DCT: variants seen among roughly 807,000 people sequenced by gnomAD.
DCT encodes dopachrome tautomerase, also known as L-dopachrome tautomerase.
A neutral mutation model predicts 53.0 loss-of-function variants in DCT; 47 were observed. That is an observed-to-expected ratio of 0.89 (90% confidence interval 0.70 to 1.13). DCT has a LOEUF of 1.13. Ranked by LOEUF, DCT falls within the 50% of genes most tolerant of loss-of-function variation. The probability of loss-of-function intolerance (pLI) is 0.00; values close to 1 mark genes in which losing one functional copy is unlikely to be tolerated. For synonymous variants in DCT, 244 were observed against 237.0 expected (o/e 1.03, Z -0.27); for missense variants, 669 against 637.4 (o/e 1.05, Z -0.53).
the DCT span, among the ~76,000 whole-genome samples, chr13:94,525,487 C>T: frequency 6.6e-6 from 1 of 152,142 alleles, no homozygotes; most frequent in African/African-American, 2.4e-5. Context: ...GGCTCCATCC[C>T]TTGGTGTAGG....
At position 94,468,888 on chromosome 13, in the gene DCT, T is replaced by C; in HGVS notation, c.453A>G (p.Arg151=). The change falls in exon 2 of 8, where the codon AGA becomes AGG. Residue 151 remains arginine, a synonymous_variant. Transcript: ENST00000377028. ...FLGALDLAKK[R]VHPDYVITTQ... ...TGGTGATCACGTAGTCGGGGTGTAC[T>C]CTCTTCTTCGCGAGATCTAAGGCGC... The C allele has an allele frequency of 2.5e-6, 4 of 1,614,146 alleles. No homozygotes were observed. The highest frequency in any genetic ancestry group is 2.5e-6 in the Non-Finnish European group (3 of 1,180,028).
chr13:94,452,858 T>C (rs1041998642), intron 6 of DCT, among the ~76,000 whole-genome samples: 1 of 152,112 alleles, frequency 6.6e-6, no homozygotes, highest in Non-Finnish European at 1.5e-5. Context: ...GTCTATAATA[T>C]GCTACCATGT....
the DCT span, among the ~76,000 whole-genome samples, chr13:94,488,139 T>C: frequency 6.6e-6 from 1 of 152,180 alleles, no homozygotes; most frequent in Non-Finnish European, 1.5e-5. Flanking sequence ...TTCATTCTGG[T>C]ACATGAGTAT....
the DCT span, among the ~76,000 whole-genome samples, chr13:94,522,014 T>A: frequency 3.3e-5 from 5 of 152,356 alleles, no homozygotes; most frequent in Admixed American, 6.5e-5. Context: ...AGGATGGGCT[T>A]CTTTCACTTA....
chr13:94,440,699 T>TTA (rs1555330304), intron 7 of DCT, among the ~76,000 whole-genome samples: 2 of 148,486 alleles, frequency 1.3e-5, no homozygotes, highest in Non-Finnish European at 3.0e-5. Flanking sequence ...TTTTTTTTTT[T>TTA]AGATAAAGTC....
the DCT span, among the ~76,000 whole-genome samples, chr13:94,490,504 CAAAA>C: frequency 5.6e-4 from 20 of 35,484 alleles, no homozygotes; most frequent in Admixed American, 5.0e-3. Flanking sequence ...GACTCGGTCT[CAAAA>C]AAAAAAAAAA....
chr13:94,488,846 A>C, the DCT span, among the ~76,000 whole-genome samples: 1 of 140,374 alleles, frequency 7.1e-6, no homozygotes, highest in African/African-American at 2.6e-5. Flanking sequence ...ATATACACAC[A>C]CATATGTACA....
the DCT span, among the ~76,000 whole-genome samples, chr13:94,496,487 C>A: frequency 6.6e-6 from 1 of 152,176 alleles, no homozygotes; most frequent in Non-Finnish European, 1.5e-5. Flanking sequence ...AGCCACCGCA[C>A]CCGGCCGGAT....
chr13:94,450,306 C>T (rs1295895368), intron 6 of DCT, among the ~76,000 whole-genome samples: 2 of 152,050 alleles, frequency 1.3e-5, no homozygotes, highest in Non-Finnish European at 2.9e-5. Flanking sequence ...TAGGACACAA[C>T]CACGGAAGAG....
the DCT span, among the ~76,000 whole-genome samples, chr13:94,493,504 G>A: frequency 6.6e-6 from 1 of 152,130 alleles, no homozygotes; most frequent in Non-Finnish European, 1.5e-5. Flanking sequence ...TTTCACTGGT[G>A]AATTCTTAGG....
the DCT span, among the ~76,000 whole-genome samples, chr13:94,522,716 G>A: frequency 1.3e-5 from 2 of 152,180 alleles, no homozygotes; most frequent in African/African-American, 2.4e-5. Context: ...TTGAACATGA[G>A]CAATTTCATT....
intron 6 of DCT, among the ~76,000 whole-genome samples, chr13:94,453,983 T>C (rs148180059): frequency 1.3e-5 from 2 of 152,296 alleles, no homozygotes; most frequent in East Asian, 1.9e-4. Context: ...ATACCTGTAA[T>C]TGTGAGCTTT....
In DCT at chr13:94,443,640, G is replaced by A. The variant is rs1387477302; in HGVS notation, c.1180-3C>T. 1 of 1,610,422 alleles carries A rather than the reference G, an allele frequency of 6.2e-7. No individual in the cohort carries two copies. The highest frequency in any genetic ancestry group is 1.3e-5 in the African/African-American group (1 of 74,856). On this transcript the variant is annotated splice_region_variant and splice_polypyrimidine_tract_variant and intron_variant, in intron 6 of 7. Coordinates refer to ENST00000377028, the MANE Select transcript of DCT (RefSeq NM_001922.5). Reference sequence around the variant, plus strand: ...GCATCAGTAAAGGAATGAAGAACCTGCAAAACAGTTGGACACAGCATTTAA... The same window carrying A: ...GCATCAGTAAAGGAATGAAGAACCTACAAAACAGTTGGACACAGCATTTAA...
chr13:94,451,920 T>G (rs571860015), intron 6 of DCT, among the ~76,000 whole-genome samples: 11 of 110,782 alleles, frequency 9.9e-5, no homozygotes, highest in African/African-American at 2.9e-4. Context: ...ATATTTAGGG[T>G]TTTTTTTTTC....
At chr13:94,538,740 G>A in the DCT span, among the ~76,000 whole-genome samples, 1 of 152,192 alleles carries the variant, frequency 6.6e-6, no homozygotes, top group Non-Finnish European at 1.5e-5. Flanking sequence ...GTTGCATTCA[G>A]TCTCTCTTGT....
At chr13:94,547,984 AAT>A in the DCT span, among the ~76,000 whole-genome samples, 2,681 of 65,746 alleles carry the variant, frequency 0.041, 163 homozygotes, top group African/African-American at 0.052. Context: ...AAAAAAAAAA[AAT>A]ATATATATAT....
Position 94,438,307 on chromosome 13 carries a change from G to A in DCT, c.*1591C>T, listed in dbSNP as rs1476958030. 2 of 178,130 alleles carry A rather than the reference G, an allele frequency of 1.1e-5. No individual in the cohort carries two copies. The highest frequency in any genetic ancestry group is 4.7e-5 in the African/African-American group (2 of 42,160). 11.0% of individuals were successfully genotyped at this position (178,130 alleles called of 1,614,324 possible). A position where few individuals can be genotyped will look rare whatever the true frequency, so the allele number is the denominator to read the frequency against. ...GTATCCATGTGGCTGAGGCTAAAAA[G>A]CCCAAGCAGGGCTTTACCGGGCTAT... On this transcript the variant is annotated 3_prime_UTR_variant, in exon 8 of 8. Coordinates refer to ENST00000377028, the MANE Select transcript of DCT (RefSeq NM_001922.5).
chr13:94,499,612 C>G, the DCT span, among the ~76,000 whole-genome samples: 1 of 152,190 alleles, frequency 6.6e-6, no homozygotes, highest in East Asian at 1.9e-4. Flanking sequence ...CAAAACACCT[C>G]TAGTTCTTAA....
intron 1 of DCT, among the ~76,000 whole-genome samples, chr13:94,476,976 A>G (rs1184361819): frequency 6.6e-6 from 1 of 152,204 alleles, no homozygotes; most frequent in Non-Finnish European, 1.5e-5. Context: ...TATATATCCA[A>G]TATGTTATTG....
Sources: allele counts gnomAD v4.1 joint callset (sites outside exome capture counted in the v4.1 genomes callset), GRCh38; gene constraint gnomAD v4.1.1; transcripts MANE v1.5; gene names NCBI Gene and HGNC (gene_info 2026-07-23, HGNC 2026-07-21).